The following SLC39A11 variants were observed in gnomAD, a reference collection of about 807,000 sequenced individuals.
The protein encoded by SLC39A11 is solute carrier family 39 member 11.
In SLC39A11, 33 loss-of-function variants were observed where a neutral mutation model predicts 36.1. The ratio of observed to expected loss-of-function variants is 0.91; its 90% CI spans 0.69 to 1.22. SLC39A11 has a LOEUF of 1.22. SLC39A11 is among the 50% of genes most tolerant of loss of function. SLC39A11 has a pLI of 0.00. For missense variants in SLC39A11, 432 were observed against 430.3 expected (o/e 1.00, Z -0.03); for synonymous variants, 166 against 170.3 (o/e 0.97, Z 0.20).
intron 6 of SLC39A11, among the ~76,000 whole-genome samples, chr17:72,760,291 G>A (rs985688027): frequency 2.7e-4 from 41 of 152,240 alleles, no homozygotes; most frequent in African/African-American, 9.2e-4. Context: ...GCCTCCCAAA[G>A]TGCTGGGACT....
chr17:72,741,940 G>T (rs893960494), intron 6 of SLC39A11, among the ~76,000 whole-genome samples: 1 of 152,110 alleles, frequency 6.6e-6, no homozygotes, highest in Non-Finnish European at 1.5e-5. Context: ...TGGCTCCCGC[G>T]CCTGTAATCC....
At chr17:73,063,613 C>CA (rs954893010) in intron 3 of SLC39A11, among the ~76,000 whole-genome samples, 18 of 147,222 alleles carry the variant, frequency 1.2e-4, no homozygotes, top group African/African-American at 3.3e-4. Flanking sequence ...AGGCTCATCT[C>CA]AAAAAAAAAA....
At chr17:72,679,752 T>G (rs1435272083) in intron 7 of SLC39A11, among the ~76,000 whole-genome samples, 3 of 152,080 alleles carry the variant, frequency 2.0e-5, no homozygotes, top group Non-Finnish European at 4.4e-5. Flanking sequence ...TAAAGAATTG[T>G]GGTAAAATTG....
chr17:72,966,967 T>C (rs2147996398), intron 4 of SLC39A11, among the ~76,000 whole-genome samples: 1 of 152,298 alleles, frequency 6.6e-6, no homozygotes, highest in East Asian at 1.9e-4. Flanking sequence ...CAAAGGAGCA[T>C]GAGCCCTATT....
chr17:72,886,791 C>A (rs959552805), intron 5 of SLC39A11, among the ~76,000 whole-genome samples: 9 of 152,224 alleles, frequency 5.9e-5, no homozygotes, highest in Non-Finnish European at 1.3e-4. Flanking sequence ...ACACCAAGCA[C>A]CTACAAGCTC....
At chr17:73,087,160 C>T (rs1429655964) in intron 2 of SLC39A11, among the ~76,000 whole-genome samples, 1 of 152,192 alleles carries the variant, frequency 6.6e-6, no homozygotes, top group African/African-American at 2.4e-5. Context: ...CACCATTCTA[C>T]AATGTGTCTC....
At chr17:73,020,197 C>A (rs933711411) in intron 4 of SLC39A11, among the ~76,000 whole-genome samples, 1 of 152,092 alleles carries the variant, frequency 6.6e-6, no homozygotes, top group Non-Finnish European at 1.5e-5. Context: ...TGTGTCCCCT[C>A]GAAAAAAATT....
At chr17:73,046,090 C>T (rs1271898826) in intron 3 of SLC39A11, among the ~76,000 whole-genome samples, 1 of 152,162 alleles carries the variant, frequency 6.6e-6, no homozygotes, top group Non-Finnish European at 1.5e-5. Context: ...TCCACTGATA[C>T]AAAACGCAAA....
Position 72,959,343 on chromosome 17 carries a change from A to G in SLC39A11, c.307-11468T>C, listed in dbSNP as rs1168583633. ...TGTGTGTGTATATATATATATATAT[A>G]TATATATATATATATATATATATGA... is the stretch of plus-strand genomic sequence containing the variant. On this transcript the variant is annotated intron_variant, in intron 4 of 9. Transcript: ENST00000255559. Among the ~76,000 whole-genome samples, 211 of 134,018 alleles carry G rather than the reference A, an allele frequency of 1.6e-3. 3 individuals carry two copies. Among genetic ancestry groups the G allele is most frequent in the African/African-American group, 5.7e-3 (192 of 33,392 alleles). 87.9% of individuals were successfully genotyped at this position (134,018 alleles called of 152,430 possible).
chr17:73,035,477 G>T (rs73350949), intron 3 of SLC39A11, among the ~76,000 whole-genome samples: 1 of 152,074 alleles, frequency 6.6e-6, no homozygotes, highest in Admixed American at 6.5e-5. Context: ...TAGAAAAGAC[G>T]ACTGTATCCT....
At position 72,959,325 on chromosome 17, in the gene SLC39A11, G is replaced by GTGTGTGTGTATA. The variant is rs1436484912; in HGVS notation, c.307-11451_307-11450insTATACACACACA. On this transcript the variant is annotated intron_variant, in intron 4 of 9. Transcript: ENST00000255559. Reference sequence around the variant, plus strand: ...CTGGTGTATGTATGTGTGTGTGTGTGTATATATATATATATATATATATAT... The same window carrying GTGTGTGTGTATA: ...CTGGTGTATGTATGTGTGTGTGTGTGTGTGTGTGTATATATATATATATATATATATATATAT... 6.4e-4 allele frequency among the ~76,000 whole-genome samples: 42 copies of GTGTGTGTGTATA among 65,530 alleles called. 1 individual carries two copies. Among genetic ancestry groups the GTGTGTGTGTATA allele is most frequent in the African/African-American group, 2.8e-3 (40 of 14,522 alleles). 43.0% of individuals were successfully genotyped at this position (65,530 alleles called of 152,430 possible).
At chr17:72,756,760 C>A (rs1280975901) in intron 6 of SLC39A11, among the ~76,000 whole-genome samples, 2 of 152,094 alleles carry the variant, frequency 1.3e-5, no homozygotes, top group Admixed American at 1.3e-4. Context: ...CACAGCCTTA[C>A]AAATAGTTAA....
intron 4 of SLC39A11, among the ~76,000 whole-genome samples, chr17:72,989,766 C>A (rs923275980): frequency 1.3e-5 from 2 of 152,182 alleles, no homozygotes; most frequent in East Asian, 3.8e-4. Context: ...TGAAACAGAT[C>A]ATTACGTAAA....
chr17:73,077,443 A>T (rs76365224), intron 3 of SLC39A11, among the ~76,000 whole-genome samples: 9,786 of 152,168 alleles, frequency 0.064, 459 homozygotes, highest in East Asian at 0.22. Flanking sequence ...TTAGCCTCTC[A>T]ACTAGCTGAG....
chr17:72,686,877 A>G (rs947512927), intron 7 of SLC39A11, among the ~76,000 whole-genome samples: 4 of 152,242 alleles, frequency 2.6e-5, no homozygotes, highest in African/African-American at 9.6e-5. Flanking sequence ...TTGCCATTAA[A>G]GGAAGAGCAT....
In SLC39A11 at chr17:72,759,860, A is replaced by G. The variant is rs1055252098; in HGVS notation, c.602-23141T>C. ...ACTAACCAAGAGAAGACAGGTGAGC[A>G]GCTCTGGGCTCCAAACAAGGAAGCG... On this transcript the variant is annotated intron_variant, in intron 6 of 9. Coordinates refer to ENST00000255559, the MANE Select transcript of SLC39A11 (RefSeq NM_139177.4). Among the ~76,000 whole-genome samples, 25 of 152,222 alleles carry G rather than the reference A, an allele frequency of 1.6e-4. 1 individual carries two copies. The highest frequency in any genetic ancestry group is 2.4e-5 in the African/African-American group (1 of 41,462).
Position 73,084,854 on chromosome 17 carries a change from T to C in SLC39A11, c.109-8A>G. On this transcript the variant is annotated splice_polypyrimidine_tract_variant and splice_region_variant and intron_variant, in intron 2 of 9. Coordinates refer to ENST00000255559, the MANE Select transcript of SLC39A11 (RefSeq NM_139177.4). ...TCCATCTAAGATCCGCCTCTGAAAA[T>C]CAAAACAAGATGTTTCAGTTTCCAA... 2 of 1,613,896 alleles carry C rather than the reference T, an allele frequency of 1.2e-6. No individual in the cohort carries two copies. Among genetic ancestry groups the C allele is most frequent in the Non-Finnish European group, 1.7e-6 (2 of 1,179,906 alleles).
intron 6 of SLC39A11, among the ~76,000 whole-genome samples, chr17:72,753,622 A>AC (rs955436523): frequency 3.3e-5 from 5 of 151,858 alleles, no homozygotes; most frequent in African/African-American, 1.2e-4. Flanking sequence ...TGTCCTACTT[A>AC]CTTCAGTCCC....
intron 6 of SLC39A11, among the ~76,000 whole-genome samples, chr17:72,771,892 A>G (rs2075960045): frequency 1.3e-5 from 2 of 152,190 alleles, no homozygotes; most frequent in African/African-American, 4.8e-5. Context: ...TGGGGAAGGA[A>G]GGGCAAGGCA....
Sources: allele counts gnomAD v4.1 joint callset (sites outside exome capture counted in the v4.1 genomes callset), GRCh38; gene constraint gnomAD v4.1.1; transcripts MANE v1.5; gene names NCBI Gene and HGNC (gene_info 2026-07-23, HGNC 2026-07-21).